The following SERPINB3 variants were observed in gnomAD, a reference collection of about 807,000 sequenced individuals.
The protein encoded by SERPINB3 is serpin B3.
SERPINB3 carries 33 observed loss-of-function variants against 33.0 expected under a neutral mutation model. The ratio of observed to expected loss-of-function variants is 1.00; its 90% CI spans 0.76 to 1.34. The LOEUF (loss-of-function observed/expected upper bound fraction) is 1.34. Ranked by LOEUF, SERPINB3 falls within the 40% of genes most tolerant of loss-of-function variation. The pLI is 0.00. For missense variants in SERPINB3, 518 were observed against 461.5 expected (o/e 1.12, Z -1.12); for synonymous variants, 200 against 170.9 (o/e 1.17, Z -1.33).
chr18:63,655,880 A>G lies in SERPINB3; in HGVS notation c.950T>C (p.Met317Thr), dbSNP rs373663669. ...TAGCACGAGACCGCGGCTCCCGGTC[A>G]TGCCTGAGAGGTCTGCATCCCCATT... ...IFNGDADLSGMTGSRGLVLSG... is the reference protein window; with the variant it reads ...IFNGDADLSGTTGSRGLVLSG... Residue 317 changes from methionine to threonine, a missense_variant, in exon 8 of 8, where the codon ATG becomes ACG. By Grantham distance (81) the Met-to-Thr change is moderately conservative. Coordinates refer to ENST00000283752, the MANE Select transcript of SERPINB3 (RefSeq NM_006919.3). 2.4e-5 allele frequency: 38 copies of G among 1,613,898 alleles called. No homozygotes were observed. Among genetic ancestry groups the G allele is most frequent in the Non-Finnish European group, 3.1e-5 (37 of 1,179,956 alleles).
intron 5 of SERPINB3, 141 bp downstream of exon 5, chr18:63,658,372 A>T (rs1368769574): frequency 1.5e-6 from 1 of 648,206 alleles, no homozygotes; most frequent in East Asian, 2.7e-5. Flanking sequence ...ATTTGGAAAA[A>T]CTCTTCATCT....
chr18:63,660,663 A>G lies in SERPINB3; in HGVS notation c.222+137T>C, dbSNP rs1319347750. ...AATAATTATGTGCCATGAAATGCCAACCCACTCTGTATGTCTCAATCTTTG... is the reference window on the plus strand; with the variant it reads ...AATAATTATGTGCCATGAAATGCCAGCCCACTCTGTATGTCTCAATCTTTG... On this transcript the variant is annotated intron_variant, in intron 3 of 7. Transcript: ENST00000283752. 2.7e-5 allele frequency: 28 copies of G among 1,039,430 alleles called. No individual in the cohort carries two copies. The East Asian group carries it at 6.4e-4, about 24-fold the overall frequency. The allele number at this position is 1,039,430 out of a possible 1,614,324, so 64.4% of individuals were successfully genotyped here.
intron 4 of SERPINB3, among the ~76,000 whole-genome samples, chr18:63,658,840 A>G (rs1402369064): frequency 6.6e-6 from 1 of 152,170 alleles, no homozygotes; most frequent in Non-Finnish European, 1.5e-5. Flanking sequence ...CCGAAGGTCA[A>G]TATCATCTGG....
Position 63,658,647 on chromosome 18 carries a change from A to G in SERPINB3, c.352-17T>C, listed in dbSNP as rs1470564608. ...TAAATATTCCTTTGAGATATGAAGG[A>G]AGAAAGTAGGAAGTAAGAGTAATTT... On this transcript the variant is annotated splice_polypyrimidine_tract_variant and intron_variant, in intron 4 of 7. Coordinates refer to ENST00000283752, the MANE Select transcript of SERPINB3 (RefSeq NM_006919.3). 7.6e-6 allele frequency: 12 copies of G among 1,577,238 alleles called. No individual in the cohort carries two copies. The highest frequency in any genetic ancestry group is 1.3e-5 in the African/African-American group (1 of 74,162).
chr18:63,661,011 GA>G (rs560362906), intron 2 of SERPINB3, 40 bp downstream of exon 2: 5 of 1,611,894 alleles, frequency 3.1e-6, no homozygotes, highest in Middle Eastern at 1.6e-4. Context: ...CGGAACCAGA[GA>G]AAAACTGCAA....
chr18:63,657,360 C>G lies in SERPINB3; in HGVS notation c.522G>C (p.Leu174Phe), dbSNP rs187183203. 26 of 1,610,256 alleles carry G rather than the reference C, an allele frequency of 1.6e-5. 1 individual carries two copies. The African/African-American group carries it at 1.7e-4, about 11-fold the overall frequency. The change falls in exon 6 of 8, where the codon TTG (leucine) becomes TTC (phenylalanine). Residue 174 changes from leucine (L) to phenylalanine (F), a missense_variant. Physicochemically the swap from Leu to Phe is conservative, Grantham distance 22. Transcript: ENST00000283752. ...TGAAATAGATTGCGTTCACAAGAAC[C>G]AATGTGGTATTGCTGCCAATATTAC... ...PEGNIGSNTT[L>F]VLVNAIYFKG...
In SERPINB3 at chr18:63,655,266, T is replaced by C. The variant is rs1420965454; in HGVS notation, c.*391A>G. 1 of 163,504 alleles carries C rather than the reference T, an allele frequency of 6.1e-6. No individual in the cohort carries two copies. Among genetic ancestry groups the C allele is most frequent in the African/African-American group, 2.4e-5 (1 of 41,698 alleles). The allele number at this position is 163,504 out of a possible 1,614,324, so 10.1% of individuals were successfully genotyped here. On this transcript the variant is annotated 3_prime_UTR_variant, in exon 8 of 8. Transcript: ENST00000283752. ...ACAAAATTTAGAAACATAAGAAGGATTTAGGTATCACCTAAATTCAAAGAA... is the reference window on the plus strand; with the variant it reads ...ACAAAATTTAGAAACATAAGAAGGACTTAGGTATCACCTAAATTCAAAGAA...
At chr18:63,661,524 A>T (rs939481562) in intron 1 of SERPINB3, among the ~76,000 whole-genome samples, 12 of 152,076 alleles carry the variant, frequency 7.9e-5, no homozygotes, top group Non-Finnish European at 1.5e-4. Context: ...CTAGGTAGGA[A>T]GGCTTTACAA....
At chr18:63,661,380 T>C (rs144341650) in intron 1 of SERPINB3, 138 bp from the exon 2 acceptor site, 189 of 908,226 alleles carry the variant, frequency 2.1e-4, no homozygotes, top group South Asian at 2.9e-4. Flanking sequence ...ATTTTTAACG[T>C]TTCAATCTTT....
At position 63,659,401 on chromosome 18, in the gene SERPINB3, G is replaced by C. The variant is rs1406436957; in HGVS notation, c.349C>G (p.Gln117Glu). Residue 117 changes from glutamine (Q) to glutamate (E), a missense_variant and splice_region_variant, in exon 4 of 8, where the codon CAG (glutamine) becomes GAG (glutamate). Transcript: ENST00000283752. ...LFGEKTYLFL[Q>E]EYLDAIKKFY... ...GTGGGTAGGCCAGGTGAAATTACCT[G>C]TAAAAATAGATACGTTTTTTCTCCG... The C allele has an allele frequency of 6.2e-7, 1 of 1,613,020 alleles. No individual in the cohort carries two copies. Among genetic ancestry groups the C allele is most frequent in the Non-Finnish European group, 8.5e-7 (1 of 1,179,474 alleles).
intron 7 of SERPINB3, among the ~76,000 whole-genome samples, 162 bp from the exon 8 acceptor site, chr18:63,656,223 C>T (rs1913491855): frequency 6.6e-6 from 1 of 151,986 alleles, no homozygotes; most frequent in Admixed American, 6.6e-5. Flanking sequence ...AAATATGAGT[C>T]CTGGATATAT....
chr18:63,660,281 G>A (rs1232363791), intron 3 of SERPINB3, among the ~76,000 whole-genome samples: 4 of 151,946 alleles, frequency 2.6e-5, no homozygotes, highest in Non-Finnish European at 5.9e-5. Context: ...AAATATAGTT[G>A]GACTTGTGCT....
At chr18:63,661,617 G>T (rs1455072378) in intron 1 of SERPINB3, among the ~76,000 whole-genome samples, 1 of 151,704 alleles carries the variant, frequency 6.6e-6, no homozygotes, top group Non-Finnish European at 1.5e-5. Context: ...AGACTCTCTG[G>T]CTGCAAGGCA....
rs1302934823 is a variant in SERPINB3 at position 63,658,161 on chromosome 18, T to A, written c.469+352A>T. Reference sequence around the variant, plus strand: ...AGGGGAAGGGAGATGCTTTCTAATGTTTCCTTTTAAATATTCATCATAAAA... The same window carrying A: ...AGGGGAAGGGAGATGCTTTCTAATGATTCCTTTTAAATATTCATCATAAAA... On this transcript the variant is annotated intron_variant, in intron 5 of 7. Transcript: ENST00000283752. Among the ~76,000 whole-genome samples, 3 of 152,138 alleles carry A rather than the reference T, an allele frequency of 2.0e-5. No individual in the cohort carries two copies. The East Asian group carries it at 5.8e-4, about 29-fold the overall frequency.
chr18:63,660,990 G>A (rs780428071), intron 2 of SERPINB3, 62 bp downstream of exon 2: 89 of 1,609,538 alleles, frequency 5.5e-5, no homozygotes, highest in Middle Eastern at 3.3e-4. Flanking sequence ...TACCATCTGC[G>A]TGCTAGCCGA....
intron 3 of SERPINB3, among the ~76,000 whole-genome samples, chr18:63,660,146 AC>A (rs1913604074): frequency 6.6e-6 from 1 of 152,192 alleles, no homozygotes; most frequent in Non-Finnish European, 1.5e-5. Context: ...CTTCATAGAG[AC>A]ATAAATTAGA....
chr18:63,660,753 G>A (rs1371036599), intron 3 of SERPINB3, 47 bp downstream of exon 3: 1 of 1,611,168 alleles, frequency 6.2e-7, no homozygotes, highest in East Asian at 2.2e-5. Context: ...TTCAAACTAT[G>A]ACCTGTTCGG....
intron 3 of SERPINB3, among the ~76,000 whole-genome samples, chr18:63,660,145 G>A (rs930374387): frequency 8.2e-4 from 125 of 152,266 alleles, no homozygotes; most frequent in African/African-American, 2.9e-3. Flanking sequence ...TCTTCATAGA[G>A]ACATAAATTA....
intron 4 of SERPINB3, 51 bp from the exon 5 acceptor site, chr18:63,658,681 A>G (rs1263463863): frequency 3.7e-6 from 5 of 1,367,406 alleles, no homozygotes; most frequent in Non-Finnish European, 5.2e-6. Context: ...TTATGTAACT[A>G]TATATTACCA....
Sources: allele counts gnomAD v4.1 joint callset (sites outside exome capture counted in the v4.1 genomes callset), GRCh38; gene constraint gnomAD v4.1.1; transcripts MANE v1.5; gene names NCBI Gene and HGNC (gene_info 2026-07-23, HGNC 2026-07-21).